Variants in PTPN21 observed in about 807,000 individuals in gnomAD.
The protein encoded by PTPN21 is tyrosine-protein phosphatase non-receptor type 21.
A neutral mutation model predicts 131.8 loss-of-function variants in PTPN21; 77 were observed. The observed-to-expected ratio is 0.58, with a 90% CI of 0.49 to 0.71. The LOEUF (loss-of-function observed/expected upper bound fraction) is 0.71. Ranked by LOEUF, PTPN21 falls within the 30% of genes least tolerant of loss-of-function variation. The probability of loss-of-function intolerance (pLI) is 0.00; values close to 1 mark genes in which losing one functional copy is unlikely to be tolerated. For missense variants in PTPN21, 1,552 were observed against 1,527.1 expected (o/e 1.02, Z -0.27); for synonymous variants, 715 against 621.3 (o/e 1.15, Z -2.24).
chr14:88,537,786 G>A (rs951761155), intron 2 of PTPN21, among the ~76,000 whole-genome samples: 5 of 152,178 alleles, frequency 3.3e-5, no homozygotes, highest in African/African-American at 1.2e-4. Flanking sequence ...ATTATGGAGT[G>A]TACTTACACA....
Position 88,518,394 on chromosome 14 carries a change from A to G in PTPN21, c.181-1133T>C, listed in dbSNP as rs1394067146. 6.9e-3 allele frequency among the ~76,000 whole-genome samples: 104 copies of G among 15,088 alleles called. 3 individuals carry two copies. The highest frequency in any genetic ancestry group is 0.012 in the African/African-American group (79 of 6,512). 9.9% of individuals were successfully genotyped at this position (15,088 alleles called of 152,430 possible). ...TGTGTATGTGTGTGTGTGTATATATATATATATATATATATATATATTTTT... is the reference window on the plus strand; with the variant it reads ...TGTGTATGTGTGTGTGTGTATATATGTATATATATATATATATATATTTTT... On this transcript the variant is annotated intron_variant, in intron 2 of 18. Transcript: ENST00000556564.
In PTPN21 at chr14:88,507,049, A is replaced by C. The variant is rs183724597; in HGVS notation, c.448+874T>G. Among the ~76,000 whole-genome samples, 142 of 131,288 alleles carry C rather than the reference A, an allele frequency of 1.1e-3. 1 individual carries two copies. The highest frequency in any genetic ancestry group is 3.4e-3 in the African/African-American group (133 of 39,654). 86.1% of individuals were successfully genotyped at this position (131,288 alleles called of 152,430 possible). A position where few individuals can be genotyped will look rare whatever the true frequency, so the allele number is the denominator to read the frequency against. ...GGTCCATAGAGCGAGACTCCATCTC[A>C]AAAAAAAAAGTAACTAAATAAATAA... On this transcript the variant is annotated intron_variant, in intron 4 of 18. Transcript: ENST00000556564.
rs762057332 is a variant in PTPN21, at chr14:88,496,485, A to G, written c.860T>C (p.Met287Thr). 3 of 1,613,546 alleles carry G rather than the reference A, an allele frequency of 1.9e-6. No homozygotes were observed. In the South Asian group the frequency reaches 3.3e-5, roughly 18 times the overall value. The change falls in exon 10 of 19, where the codon ATG becomes ACG. Residue 287 changes from methionine (M) to threonine (T), a missense_variant. Physicochemically the swap from Met to Thr is moderately conservative, Grantham distance 81. Around this residue, in one of 4 missense-constraint regions of PTPN21, gnomAD observed 1,016 missense variants for 883.5 expected, o/e 1.15. Transcript: ENST00000556564. ...EETIQFQTED[M>T]ETAKYIWRLC... ...TCTCCAAATGTATTTTGCTGTTTCC[A>G]TGTCTTCCTAGCAAACAAAATAGGC... is the stretch of plus-strand genomic sequence containing the variant.
intron 15 of PTPN21, 49 bp from the exon 16 acceptor site, chr14:88,470,099 T>C (rs758769147): frequency 3.8e-6 from 6 of 1,574,554 alleles, no homozygotes; most frequent in East Asian, 2.2e-5. Flanking sequence ...ATAATATACA[T>C]AGGTATGTAT....
intron 10 of PTPN21, among the ~76,000 whole-genome samples, chr14:88,488,040 C>T (rs2077764255): frequency 6.6e-6 from 1 of 151,594 alleles, no homozygotes; most frequent in Non-Finnish European, 1.5e-5. Flanking sequence ...TTTACTTTGT[C>T]TCTGGTTATT....
chr14:88,483,602 C>T (rs909942772), intron 12 of PTPN21, among the ~76,000 whole-genome samples: 7 of 152,238 alleles, frequency 4.6e-5, no homozygotes, highest in South Asian at 4.2e-4. Context: ...GTTCCTTACC[C>T]GAGAGGAAAC....
At chr14:88,515,226 T>C (rs11622270) in intron 3 of PTPN21, 23,816 of 152,198 alleles carry the variant, frequency 0.16, 2,456 homozygotes, top group Admixed American at 0.29. Context: ...CTATACTTAA[T>C]CCTTACCGAT....
chr14:88,530,947 T>C (rs992918881), intron 2 of PTPN21, among the ~76,000 whole-genome samples: 3 of 152,132 alleles, frequency 2.0e-5, no homozygotes, highest in African/African-American at 4.8e-5. Context: ...ATTTAACAGA[T>C]ATTTACAGAA....
chr14:88,484,211 CTA>C (rs1429228384), intron 12 of PTPN21, among the ~76,000 whole-genome samples: 205 of 143,878 alleles, frequency 1.4e-3, no homozygotes, highest in East Asian at 7.8e-3. Flanking sequence ...CTACGCCCAG[CTA>C]TTTTTTTTTT....
In PTPN21 at chr14:88,504,736, T is replaced by C. The variant is rs970450075; in HGVS notation, c.517-241A>G. 2.0e-5 allele frequency among the ~76,000 whole-genome samples: 3 copies of C among 151,906 alleles called. No homozygotes were observed. In the South Asian group the frequency reaches 6.2e-4, roughly 32 times the overall value. ...ATTCCAGGGAAAGTTTCAGCTGAGT[T>C]ATGTCAAGTTGGTGACAGTAGTTAG... is the stretch of plus-strand genomic sequence containing the variant. On this transcript the variant is annotated intron_variant, in intron 5 of 18. Coordinates refer to ENST00000556564, the MANE Select transcript of PTPN21 (RefSeq NM_007039.4).
At chr14:88,471,040 G>A (rs2077457637) in intron 15 of PTPN21, among the ~76,000 whole-genome samples, 1 of 152,120 alleles carries the variant, frequency 6.6e-6, no homozygotes, top group Non-Finnish European at 1.5e-5. Flanking sequence ...ATCTAGTCAT[G>A]AGAGACTGGA....
chr14:88,488,459 CTCTT>C (rs1430334793), intron 10 of PTPN21, among the ~76,000 whole-genome samples: 4 of 152,146 alleles, frequency 2.6e-5, no homozygotes, highest in Non-Finnish European at 5.9e-5. Context: ...GTCTAACCTT[CTCTT>C]TCTTCTTGGC....
intron 18 of PTPN21, among the ~76,000 whole-genome samples, chr14:88,468,713 G>GT (rs1187126230): frequency 6.6e-6 from 1 of 152,084 alleles, no homozygotes; most frequent in Non-Finnish European, 1.5e-5. Context: ...TTTATTTATC[G>GT]TATGACTTCT....
rs372589483 is a variant in PTPN21, at chr14:88,485,197, A to G, written c.994-37T>C. On this transcript the variant is annotated intron_variant, in intron 11 of 18. Transcript: ENST00000556564. ...AGAGTTTGACACAGGGTTGAAACACATTGCTTATGTAATACAGGTAAAGTT... is the reference window on the plus strand; with the variant it reads ...AGAGTTTGACACAGGGTTGAAACACGTTGCTTATGTAATACAGGTAAAGTT... 4.2e-5 allele frequency: 56 copies of G among 1,339,286 alleles called. No homozygotes were observed. In the Middle Eastern group the frequency reaches 7.5e-4, roughly 18 times the overall value. 83.0% of individuals were successfully genotyped at this position (1,339,286 alleles called of 1,614,324 possible).
intron 2 of PTPN21, among the ~76,000 whole-genome samples, chr14:88,530,409 G>A (rs563311342): frequency 2.6e-5 from 4 of 152,232 alleles, no homozygotes; most frequent in East Asian, 1.9e-4. Context: ...CAACTAGCAC[G>A]ATGAATAGAG....
intron 3 of PTPN21, among the ~76,000 whole-genome samples, chr14:88,511,966 T>A (rs1338522502): frequency 6.6e-6 from 1 of 152,200 alleles, no homozygotes; most frequent in Non-Finnish European, 1.5e-5. Context: ...CAGCCTTTTT[T>A]CTTCATCTGT....
chr14:88,504,335 A>T, intron 6 of PTPN21, 90 bp downstream of exon 6: 1 of 1,058,440 alleles, frequency 9.4e-7, no homozygotes, highest in Non-Finnish European at 1.4e-6. Flanking sequence ...AATAAATATT[A>T]ATCATGTAAA....
At chr14:88,523,416 A>G (rs1217175042) in intron 2 of PTPN21, among the ~76,000 whole-genome samples, 1 of 152,136 alleles carries the variant, frequency 6.6e-6, no homozygotes, top group Non-Finnish European at 1.5e-5. Context: ...AACACCTAGA[A>G]AACTAGGAAT....
chr14:88,508,146 G>A, intron 3 of PTPN21, 126 bp from the exon 4 acceptor site: 1 of 436,564 alleles, frequency 2.3e-6, no homozygotes, highest in Non-Finnish European at 3.9e-6. Flanking sequence ...ACATGGTTGT[G>A]TGTGTTTTTT....
Sources: gnomAD v4.1 joint callset for allele counts (sites outside exome capture counted in the v4.1 genomes callset) on GRCh38, gnomAD v4.1.1 for gene constraint, gnomAD v4.1.1 regional missense constraint, MANE v1.5 for transcripts, NCBI Gene and HGNC (gene_info 2026-07-23, HGNC 2026-07-21) for gene names.